CREB5: variants seen among roughly 807,000 people sequenced by gnomAD.
CREB5 encodes cAMP responsive element binding protein 5, also known as cyclic AMP-responsive element-binding protein 5.
Under a neutral mutation model 57.1 loss-of-function variants are expected in CREB5, and 19 were observed. That is an observed-to-expected ratio of 0.33 (90% CI 0.23 to 0.49). The LOEUF is 0.49. Ranked by LOEUF, CREB5 falls within the 20% of genes least tolerant of loss-of-function variation. The pLI is 0.99. For missense variants in CREB5, 579 were observed against 671.6 expected (o/e 0.86, Z 1.52); for synonymous variants, 238 against 238.3 (o/e 1.00, Z 0.01).
At chr7:28,780,043 A>G (rs1309416601) in intron 7 of CREB5, among the ~76,000 whole-genome samples, 5 of 152,176 alleles carry the variant, frequency 3.3e-5, no homozygotes, top group Admixed American at 3.3e-4. Flanking sequence ...TGTTGGGATT[A>G]CAGGGCATGA....
chr7:28,421,785 CAT>C lies in CREB5; in HGVS notation c.3+8882_3+8883del, dbSNP rs1270931063. Among the ~76,000 whole-genome samples, 891 of 91,672 alleles carry C rather than the reference CAT, an allele frequency of 9.7e-3. 13 individuals carry two copies. Among genetic ancestry groups the C allele is most frequent in the African/African-American group, 0.027 (732 of 26,906 alleles). 60.1% of individuals were successfully genotyped at this position (91,672 alleles called of 152,430 possible). ...ACACACACACTATATATATATATAC[CAT>C]ATATATATATATACACACACCATAT... On this transcript the variant is annotated intron_variant, in intron 1 of 10. Transcript: ENST00000357727.
chr7:28,454,724 A>G (rs1212208033), intron 1 of CREB5, among the ~76,000 whole-genome samples: 1 of 152,206 alleles, frequency 6.6e-6, no homozygotes, highest in Non-Finnish European at 1.5e-5. Flanking sequence ...TGGAGTGAAT[A>G]TTATTTCTAT....
rs753167682 is a variant in CREB5 at position 28,744,340 on chromosome 7, C to CTTTTT, written c.702+20030_702+20034dup. On this transcript the variant is annotated intron_variant, in intron 7 of 10. Transcript: ENST00000357727. Reference sequence around the variant, plus strand: ...ACCTCTCATTTTACCTTTAGTACCTCTTTTTTTTTTTTTTTTTTTTTTTTT... The same window carrying CTTTTT: ...ACCTCTCATTTTACCTTTAGTACCTCTTTTTTTTTTTTTTTTTTTTTTTTTTTTTT... 6.1e-4 allele frequency among the ~76,000 whole-genome samples: 54 copies of CTTTTT among 88,826 alleles called. 2 individuals are homozygous for CTTTTT. Among genetic ancestry groups the CTTTTT allele is most frequent in the African/African-American group, 2.4e-3 (52 of 21,998 alleles). The allele number at this position is 88,826 out of a possible 152,430, so 58.3% of individuals were successfully genotyped here.
chr7:28,472,201 G>A (rs1327643801), intron 1 of CREB5, among the ~76,000 whole-genome samples: 1 of 150,994 alleles, frequency 6.6e-6, no homozygotes, highest in African/African-American at 2.4e-5. Context: ...TTGGTTATAT[G>A]GGATTGAAAA....
At chr7:28,706,304 T>G (rs1203474419) in intron 5 of CREB5, among the ~76,000 whole-genome samples, 1 of 151,912 alleles carries the variant, frequency 6.6e-6, no homozygotes, top group Non-Finnish European at 1.5e-5. Flanking sequence ...TGCAGTGAGC[T>G]GAGATCGTGC....
intron 5 of CREB5, among the ~76,000 whole-genome samples, chr7:28,707,420 A>G (rs1265714215): frequency 6.6e-6 from 1 of 152,204 alleles, no homozygotes; most frequent in East Asian, 1.9e-4. Context: ...ATGCCTTGCT[A>G]AGATCACACA....
rs982602792 is a variant in CREB5, at chr7:28,804,051, C to T, written c.703-148C>T. 4.1e-6 allele frequency: 3 copies of T among 725,314 alleles called. No individual in the cohort carries two copies. In the African/African-American group the frequency reaches 5.4e-5, roughly 13 times the overall value. The allele number at this position is 725,314 out of a possible 1,614,324, so 44.9% of individuals were successfully genotyped here. Reference sequence around the variant, plus strand: ...AAATTAATATAAAAGCTATCTTGTACTGGTAGCAAGATAGCTACTGGTAGG... The same window carrying T: ...AAATTAATATAAAAGCTATCTTGTATTGGTAGCAAGATAGCTACTGGTAGG... On this transcript the variant is annotated intron_variant, in intron 7 of 10. Coordinates refer to ENST00000357727, the MANE Select transcript of CREB5 (RefSeq NM_182898.4).
At chr7:28,300,163 C>T (rs1010362391) in intron 1 of CREB5, among the ~76,000 whole-genome samples, 8 of 151,226 alleles carry the variant, frequency 5.3e-5, no homozygotes, top group Admixed American at 1.3e-4. Context: ...AAACTGTGAC[C>T]CTCCATTACC....
chr7:28,726,984 A>G (rs1448742648), intron 7 of CREB5, among the ~76,000 whole-genome samples: 4 of 151,984 alleles, frequency 2.6e-5, no homozygotes, highest in Non-Finnish European at 2.9e-5. Context: ...GTGATTGCCC[A>G]TTAGAATGCA....
At chr7:28,730,279 G>T (rs1373501200) in intron 7 of CREB5, among the ~76,000 whole-genome samples, 1 of 152,014 alleles carries the variant, frequency 6.6e-6, no homozygotes, top group African/African-American at 2.4e-5. Context: ...AAACTTGCAG[G>T]CTCAAGTAAT....
At chr7:28,600,024 G>A (rs991631793) in intron 5 of CREB5, among the ~76,000 whole-genome samples, 3 of 152,100 alleles carry the variant, frequency 2.0e-5, no homozygotes, top group Admixed American at 2.0e-4. Flanking sequence ...TCTGGGTGTA[G>A]GAGTGGGAGT....
intron 1 of CREB5, among the ~76,000 whole-genome samples, chr7:28,357,721 A>G (rs1053260068): frequency 5.9e-5 from 9 of 152,188 alleles, no homozygotes; most frequent in Admixed American, 2.0e-4. Flanking sequence ...GAGTTCTTCA[A>G]TGTACAAGAA....
intron 1 of CREB5, among the ~76,000 whole-genome samples, chr7:28,419,860 A>G (rs1788172387): frequency 6.6e-6 from 1 of 152,208 alleles, no homozygotes; most frequent in Non-Finnish European, 1.5e-5. Context: ...CATTGTTTAC[A>G]ATTTTGTCTT....
chr7:28,529,373 A>G (rs6969064), intron 4 of CREB5, among the ~76,000 whole-genome samples: 15,632 of 152,230 alleles, frequency 0.1, 1,120 homozygotes, highest in African/African-American at 0.2. Flanking sequence ...GCAGAAAAGG[A>G]TGGGCCAGGA....
At chr7:28,806,010 GA>G (rs983628352) in intron 8 of CREB5, among the ~76,000 whole-genome samples, 103 of 142,856 alleles carry the variant, frequency 7.2e-4, no homozygotes, top group African/African-American at 1.5e-3. Context: ...TATTTAGAAA[GA>G]AAAAAAAAAA....
intron 1 of CREB5, among the ~76,000 whole-genome samples, chr7:28,416,004 CA>C (rs1375743686): frequency 6.6e-6 from 1 of 151,890 alleles, no homozygotes; most frequent in African/African-American, 2.4e-5. Flanking sequence ...CAATCATAAC[CA>C]AAAAAATTCA....
At chr7:28,735,113 T>TG (rs199540845) in intron 7 of CREB5, among the ~76,000 whole-genome samples, 9 of 151,988 alleles carry the variant, frequency 5.9e-5, no homozygotes, top group South Asian at 2.1e-4. Context: ...TTTTGGTTTT[T>TG]TTTGTTTTTT....
rs1034781612 is a variant in CREB5 at position 28,370,211 on chromosome 7, T to C, written c.-25+70770T>C. 2.6e-5 allele frequency among the ~76,000 whole-genome samples: 4 copies of C among 152,366 alleles called. No homozygotes were observed. The East Asian group carries it at 5.8e-4, about 22-fold the overall frequency. On this transcript the variant is annotated intron_variant, in intron 1 of 9. Coordinates refer to the CREB5 transcript ENST00000396299. ...ATTTAAACGCTCAGGCCTTTCTATC[T>C]GTAAGGCCACGGTAGGACGTGCCCT...
rs1360718413 is a variant in CREB5 at position 28,472,767 on chromosome 7, G to GTC, written c.4-15400_4-15399dup. ...GGAACAGGTACTTCGACGATCCAAG[G>GTC]TCTCTCTCTGCAGCCTGGAATTCCT... On this transcript the variant is annotated intron_variant, in intron 1 of 10. Coordinates refer to ENST00000357727, the MANE Select transcript of CREB5 (RefSeq NM_182898.4). 1.5e-4 allele frequency among the ~76,000 whole-genome samples: 23 copies of GTC among 152,106 alleles called. 1 individual carries two copies. The highest frequency in any genetic ancestry group is 1.4e-3 in the Admixed American group (22 of 15,278).
Sources: allele counts gnomAD v4.1 joint callset (sites outside exome capture counted in the v4.1 genomes callset), GRCh38; gene constraint gnomAD v4.1.1; transcripts MANE v1.5; gene names NCBI Gene and HGNC (gene_info 2026-07-23, HGNC 2026-07-21).